Variants in MLLT10 observed in about 807,000 individuals in gnomAD.
MLLT10 encodes the protein MLLT10 histone lysine methyltransferase DOT1L cofactor, also known as protein AF-10.
In MLLT10, 30 loss-of-function variants were observed where a neutral mutation model predicts 129.1. That is an observed-to-expected ratio of 0.23 (90% confidence interval 0.17 to 0.32). The LOEUF is 0.32. MLLT10 is among the 10% of genes least tolerant of loss of function. The pLI, the probability that MLLT10 is intolerant of heterozygous loss-of-function variation, is 1.00. For synonymous variants in MLLT10, 490 were observed against 446.4 expected, an observed-to-expected ratio of 1.10 and a Z score of -1.23; for missense variants, 1,119 against 1,268.3, an observed-to-expected ratio of 0.88 and a Z score of 1.79.
chr10:21,631,637 A>G (rs113907173), intron 8 of MLLT10, among the ~76,000 whole-genome samples: 2 of 152,188 alleles, frequency 1.3e-5, no homozygotes, highest in Admixed American at 6.5e-5. Flanking sequence ...GGAAATAAAC[A>G]CATCTTTACC....
intron 6 of MLLT10, among the ~76,000 whole-genome samples, chr10:21,613,192 CAAAAAAA>C (rs993493277): frequency 1.1e-3 from 26 of 24,640 alleles, no homozygotes; most frequent in African/African-American, 2.6e-3. Context: ...GACTCTGTCT[CAAAAAAA>C]AAAAAAAAAA....
intron 7 of MLLT10, 143 bp from the exon 8 acceptor site, chr10:21,616,969 G>T: frequency 3.1e-6 from 1 of 323,472 alleles, no homozygotes; most frequent in East Asian, 5.1e-5. Context: ...GTCTAAACTG[G>T]ATTATATAGA....
chr10:21,726,393 C>T, intron 15 of MLLT10, 38 bp downstream of exon 15: 5 of 1,409,162 alleles, frequency 3.5e-6, no homozygotes, highest in Non-Finnish European at 5.0e-6. Context: ...AAACCCTACT[C>T]TCACCTACTT....
intron 13 of MLLT10, among the ~76,000 whole-genome samples, chr10:21,684,302 A>G (rs939609755): frequency 5.3e-5 from 8 of 152,174 alleles, no homozygotes; most frequent in Admixed American, 5.2e-4. Context: ...GCATACCTAC[A>G]GCTTCAAGTA....
intron 8 of MLLT10, chr10:21,625,920 C>T (rs2046384076): frequency 1.3e-6 from 1 of 787,710 alleles, no homozygotes. Context: ...TCATATACAT[C>T]TCTTGGTATT....
intron 13 of MLLT10, among the ~76,000 whole-genome samples, chr10:21,687,122 T>C (rs2053381617): frequency 6.6e-6 from 1 of 152,222 alleles, no homozygotes; most frequent in African/African-American, 2.4e-5. Context: ...TTGAGACAAC[T>C]GCGCTCACTA....
intron 11 of MLLT10, 48 bp downstream of exon 11, chr10:21,673,967 C>A: frequency 7.0e-7 from 1 of 1,419,792 alleles, no homozygotes; most frequent in Non-Finnish European, 9.5e-7. Flanking sequence ...CCACCACCTC[C>A]CTTCTTCTGT....
chr10:21,713,537 G>A (rs2056295803), intron 13 of MLLT10, among the ~76,000 whole-genome samples: 1 of 152,108 alleles, frequency 6.6e-6, no homozygotes, highest in South Asian at 2.1e-4. Context: ...GCTATCCCCT[G>A]CTTTTAACAA....
At chr10:21,692,060 G>C (rs1443644994) in intron 13 of MLLT10, among the ~76,000 whole-genome samples, 1 of 150,606 alleles carries the variant, frequency 6.6e-6, no homozygotes, top group African/African-American at 2.4e-5. Flanking sequence ...TGTAATCCCA[G>C]GTACTTGTGA....
At chr10:21,725,770 AGACGG>A (rs2057454124) in intron 14 of MLLT10, among the ~76,000 whole-genome samples, 1 of 126,620 alleles carries the variant, frequency 7.9e-6, no homozygotes, top group East Asian at 2.6e-4. Flanking sequence ...TTTTTTTTTG[AGACGG>A]AGTCTCGCTC....
intron 10 of MLLT10, chr10:21,671,056 C>T (rs769956445): frequency 2.5e-4 from 46 of 182,614 alleles, no homozygotes; most frequent in South Asian, 6.7e-4. Flanking sequence ...GACGGAATCT[C>T]GCTCTGTTGC....
At chr10:21,599,809 C>T (rs1354689106) in intron 5 of MLLT10, among the ~76,000 whole-genome samples, 1 of 152,192 alleles carries the variant, frequency 6.6e-6, no homozygotes, top group Admixed American at 6.5e-5. Flanking sequence ...CTCAAGTGAT[C>T]TGCCTGCTCT....
chr10:21,724,894 G>T (rs887847046), intron 14 of MLLT10, among the ~76,000 whole-genome samples: 2 of 152,200 alleles, frequency 1.3e-5, no homozygotes, highest in African/African-American at 4.8e-5. Flanking sequence ...ATTGTGGTTA[G>T]CAACATGAAT....
At chr10:21,588,097 C>T (rs1413463849) in intron 4 of MLLT10, among the ~76,000 whole-genome samples, 13 of 151,858 alleles carry the variant, frequency 8.6e-5, no homozygotes, top group East Asian at 5.8e-4. Context: ...TTTGAAGCTT[C>T]GCTCATTTGC....
chr10:21,717,947 T>TC (rs2056868214), intron 14 of MLLT10, among the ~76,000 whole-genome samples: 1 of 144,984 alleles, frequency 6.9e-6, no homozygotes, highest in African/African-American at 2.7e-5. Flanking sequence ...CTTTTCTTCT[T>TC]TCTTCTTCTT....
intron 9 of MLLT10, among the ~76,000 whole-genome samples, chr10:21,669,530 C>T (rs1282147055): frequency 6.6e-6 from 1 of 152,112 alleles, no homozygotes; most frequent in Non-Finnish European, 1.5e-5. Flanking sequence ...ACTTATCCAA[C>T]AAAAATTTAG....
intron 3 of MLLT10, chr10:21,556,828 A>G: frequency 1.3e-6 from 2 of 1,557,834 alleles, no homozygotes; most frequent in East Asian, 2.4e-5. Context: ...GTCCTCAGTC[A>G]TTTACCACTT....
chr10:21,563,103 C>T (rs1296587187), intron 3 of MLLT10, among the ~76,000 whole-genome samples: 4 of 152,102 alleles, frequency 2.6e-5, no homozygotes, highest in Admixed American at 6.6e-5. Context: ...CTCTCCCTTC[C>T]TGCTGTGCTT....
At chr10:21,636,144 A>G (rs145695441) in intron 8 of MLLT10, among the ~76,000 whole-genome samples, 373 of 151,962 alleles carry the variant, frequency 2.5e-3, no homozygotes, top group African/African-American at 8.3e-3. Context: ...TTTTTGAGAT[A>G]GAGTCTCACT....
Sources: allele counts gnomAD v4.1 joint callset (sites outside exome capture counted in the v4.1 genomes callset), GRCh38; gene constraint gnomAD v4.1.1; transcripts MANE v1.5; gene names NCBI Gene and HGNC (gene_info 2026-07-23, HGNC 2026-07-21).